IMPACT: variants seen among roughly 807,000 people sequenced by gnomAD.
IMPACT encodes the protein protein IMPACT.
IMPACT carries 35 observed loss-of-function variants against 47.5 expected under a neutral mutation model. The ratio of observed to expected loss-of-function variants is 0.74; its 90% CI spans 0.56 to 0.98. IMPACT has a LOEUF of 0.98. Ranked by LOEUF, IMPACT falls within the 50% of genes least tolerant of loss-of-function variation. The probability of loss-of-function intolerance (pLI) is 0.00; values close to 1 mark genes in which losing one functional copy is unlikely to be tolerated. For synonymous variants in IMPACT, 118 were observed against 125.6 expected, an observed-to-expected ratio of 0.94 and a Z score of 0.40; for missense variants, 373 against 394.8, an observed-to-expected ratio of 0.94 and a Z score of 0.47.
intron 4 of IMPACT, among the ~76,000 whole-genome samples, chr18:24,430,890 C>T (rs764622251): frequency 8.5e-5 from 13 of 152,184 alleles, no homozygotes; most frequent in Non-Finnish European, 1.9e-4. Context: ...GAATCCTAAG[C>T]ATAATTATTT....
chr18:24,451,666 AT>A lies in IMPACT; in HGVS notation c.*821del, dbSNP rs1235336038. On this transcript the variant is annotated 3_prime_UTR_variant, in exon 11 of 11. Transcript: ENST00000284202. ...CCTTTCTTGTGATCTTCACTGAGGA[AT>A]TAGAACTATGATAGAAGTTAGGCTG... 1 of 152,184 alleles carries A rather than the reference AT, an allele frequency of 6.6e-6. No individual in the cohort carries two copies. Among genetic ancestry groups the A allele is most frequent in the Non-Finnish European group, 1.5e-5 (1 of 68,034 alleles). 9.4% of individuals were successfully genotyped at this position (152,184 alleles called of 1,614,324 possible). A position where few individuals can be genotyped will look rare whatever the true frequency, so the allele number is the denominator to read the frequency against.
intron 7 of IMPACT, among the ~76,000 whole-genome samples, chr18:24,444,656 G>A (rs770236382): frequency 1.1e-4 from 16 of 152,176 alleles, no homozygotes; most frequent in Non-Finnish European, 1.8e-4. Flanking sequence ...GCTGTGTAAA[G>A]CTTCCTGAAC....
At chr18:24,450,737 A>G (rs917180226) in intron 10 of IMPACT, 42 bp from the exon 11 acceptor site, 6 of 1,265,232 alleles carry the variant, frequency 4.7e-6, no homozygotes, top group African/African-American at 3.0e-5. Context: ...TTTCATCTTT[A>G]TGTAAATGGA....
At position 24,433,349 on chromosome 18, in the gene IMPACT, G is replaced by A. The variant is rs866024804; in HGVS notation, c.281+2965G>A. 3.9e-3 allele frequency among the ~76,000 whole-genome samples: 573 copies of A among 147,654 alleles called. 7 individuals carry two copies. Among genetic ancestry groups the A allele is most frequent in the African/African-American group, 0.013 (523 of 40,056 alleles). On this transcript the variant is annotated intron_variant, in intron 4 of 10. Coordinates refer to ENST00000284202, the MANE Select transcript of IMPACT (RefSeq NM_018439.4). ...CGAGTAGCTGGGACTACAGGCGCCC[G>A]CCACCGCGCCCGGCTAATTTTTTGT...
intron 9 of IMPACT, among the ~76,000 whole-genome samples, chr18:24,448,753 T>G (rs969023448): frequency 6.6e-6 from 1 of 152,112 alleles, no homozygotes; most frequent in Non-Finnish European, 1.5e-5. Flanking sequence ...TTTCTCTGAT[T>G]ATATTAATTA....
At chr18:24,436,121 C>G (rs758657993) in intron 4 of IMPACT, among the ~76,000 whole-genome samples, 23 of 152,180 alleles carry the variant, frequency 1.5e-4, no homozygotes, top group Non-Finnish European at 3.1e-4. Flanking sequence ...CTGTTTCAGT[C>G]AGGCTTTTGG....
At chr18:24,430,530 C>T (rs1441906313) in intron 4 of IMPACT, 146 bp downstream of exon 4, 4 of 491,942 alleles carry the variant, frequency 8.1e-6, no homozygotes, top group African/African-American at 3.9e-5. Flanking sequence ...GAAGAGACCT[C>T]GAAAGGTTAG....
chr18:24,437,049 T>C (rs1212302672), intron 4 of IMPACT, among the ~76,000 whole-genome samples: 2 of 151,728 alleles, frequency 1.3e-5, no homozygotes, highest in East Asian at 1.9e-4. Context: ...TATAGAATTA[T>C]TTAAAAACAA....
At chr18:24,440,809 GA>G (rs1156637864) in intron 6 of IMPACT, among the ~76,000 whole-genome samples, 191 bp downstream of exon 6, 1 of 152,166 alleles carries the variant, frequency 6.6e-6, no homozygotes, top group African/African-American at 2.4e-5. Context: ...GAATGGCAAG[GA>G]AAAAATGGAA....
chr18:24,429,356 C>G (rs117235437), intron 3 of IMPACT: 3 of 153,448 alleles, frequency 2.0e-5, no homozygotes, highest in Non-Finnish European at 2.9e-5. Context: ...TTGATGTTGA[C>G]GAACCATCTT....
intron 4 of IMPACT, among the ~76,000 whole-genome samples, chr18:24,432,490 G>A (rs1368407123): frequency 1.3e-5 from 2 of 152,002 alleles, no homozygotes; most frequent in African/African-American, 4.8e-5. Flanking sequence ...GTGAGTTGTT[G>A]TGGAATCCAT....
At chr18:24,440,157 TTTCAGTCCATGGGTTAAA>T (rs80102620) in intron 5 of IMPACT, among the ~76,000 whole-genome samples, 31,638 of 152,194 alleles carry the variant, frequency 0.21, 4,152 homozygotes, top group Middle Eastern at 0.35. Context: ...ATGTATATTA[TTTCAGTCCATGGGTTAAA>T]ATGCCATCCT....
chr18:24,432,978 C>T (rs557982781), intron 4 of IMPACT, among the ~76,000 whole-genome samples: 1 of 152,106 alleles, frequency 6.6e-6, no homozygotes, highest in Non-Finnish European at 1.5e-5. Context: ...TAAAAGATAC[C>T]TTCCCACAGG....
chr18:24,445,336 T>G, intron 7 of IMPACT, 57 bp from the exon 8 acceptor site: 1 of 1,054,754 alleles, frequency 9.5e-7, no homozygotes, highest in Non-Finnish European at 1.4e-6. Context: ...TTTTCTAGCA[T>G]TTATTTACAG....
At chr18:24,435,580 C>T (rs999594570) in intron 4 of IMPACT, 2 of 152,076 alleles carry the variant, frequency 1.3e-5, no homozygotes, top group African/African-American at 4.8e-5. Flanking sequence ...TGGATAAAGT[C>T]AAACAGACAA....
chr18:24,434,792 T>A (rs1908865850), intron 4 of IMPACT, among the ~76,000 whole-genome samples: 2 of 113,738 alleles, frequency 1.8e-5, no homozygotes, highest in African/African-American at 6.0e-5. Flanking sequence ...TATATATATA[T>A]ATATGTGTGT....
At chr18:24,448,211 G>C in intron 9 of IMPACT, 28 bp downstream of exon 9, 1 of 1,443,458 alleles carries the variant, frequency 6.9e-7, no homozygotes. Flanking sequence ...TATCAATCCT[G>C]TTCTGTACAA....
In IMPACT at chr18:24,426,719, C is replaced by T. The variant is rs201386831; in HGVS notation, c.-38C>T. Reference sequence around the variant, plus strand: ...AGCGCCCCGCCCCCGCGCTCCGGACCTGGCAGGCGGCGGCTGCAGGGCAGG... The same window carrying T: ...AGCGCCCCGCCCCCGCGCTCCGGACTTGGCAGGCGGCGGCTGCAGGGCAGG... On this transcript the variant is annotated 5_prime_UTR_variant, in exon 1 of 11. Coordinates refer to ENST00000284202, the MANE Select transcript of IMPACT (RefSeq NM_018439.4). 7.6e-3 allele frequency: 9,501 copies of T among 1,243,514 alleles called. 41 individuals carry two copies. The highest frequency in any genetic ancestry group is 8.7e-3 in the Non-Finnish European group (8,678 of 993,146). 77.0% of individuals were successfully genotyped at this position (1,243,514 alleles called of 1,614,324 possible).
At chr18:24,427,430 AC>A (rs1010943210) in intron 1 of IMPACT, 6 of 153,332 alleles carry the variant, frequency 3.9e-5, no homozygotes, top group African/African-American at 1.4e-4. Context: ...GCAACCACCC[AC>A]CCATCTAGTC....
Sources: allele counts gnomAD v4.1 joint callset (sites outside exome capture counted in the v4.1 genomes callset), GRCh38; gene constraint gnomAD v4.1.1; transcripts MANE v1.5; gene names NCBI Gene and HGNC (gene_info 2026-07-23, HGNC 2026-07-21).